Variants in CCDC28B observed in about 807,000 individuals in gnomAD.
CCDC28B encodes coiled-coil domain containing 28B.
In CCDC28B, 17 loss-of-function variants were observed where a neutral mutation model predicts 18.7. That is an observed-to-expected ratio of 0.91 (90% CI 0.62 to 1.36). The LOEUF is 1.36. CCDC28B is among the 40% of genes most tolerant of loss of function. The pLI, the probability that CCDC28B is intolerant of heterozygous loss-of-function variation, is 0.00. For missense variants in CCDC28B, 213 were observed against 251.7 expected (o/e 0.85, Z 1.04); for synonymous variants, 116 against 105.1 (o/e 1.10, Z -0.64).
At chr1:32,202,873 C>G (rs775021398) in intron 2 of CCDC28B, 3 of 153,636 alleles carry the variant, frequency 2.0e-5, no homozygotes, top group Non-Finnish European at 2.9e-5. Context: ...GGTGGCTCAG[C>G]CTATAATCCC....
chr1:32,200,032 G>A (rs993259177), upstream of CCDC28B, among the ~76,000 whole-genome samples: 53 of 152,106 alleles, frequency 3.5e-4, no homozygotes, highest in African/African-American at 1.2e-3. Context: ...TCCTAGGCCT[G>A]GGGGGTGGGG....
At chr1:32,202,342 ACT>A (rs1396245140) in intron 2 of CCDC28B, 2 of 672,582 alleles carry the variant, frequency 3.0e-6, no homozygotes, top group East Asian at 2.9e-5. Flanking sequence ...GGAGTGAGCA[ACT>A]CTGCAAGAAA....
chr1:32,198,703 A>T (rs1365719455), upstream of CCDC28B, among the ~76,000 whole-genome samples: 1 of 152,184 alleles, frequency 6.6e-6, no homozygotes, highest in African/African-American at 2.4e-5. Context: ...CAGGTAGAAG[A>T]TGAACGTCAT....
intron 4 of CCDC28B, 83 bp from the exon 5 acceptor site, chr1:32,204,515 C>T: frequency 6.6e-7 from 1 of 1,520,000 alleles, no homozygotes; most frequent in Non-Finnish European, 8.8e-7. Context: ...CCTCAACCTC[C>T]CCAGAAGATA....
In CCDC28B at chr1:32,204,123, T is replaced by TGGTTCCAG. The variant is rs1406016198; in HGVS notation, c.332-45_332-38dup. 65 of 1,606,056 alleles carry TGGTTCCAG rather than the reference T, an allele frequency of 4.0e-5. 1 individual carries two copies. The highest frequency in any genetic ancestry group is 6.7e-5 in the South Asian group (6 of 89,758). On this transcript the variant is annotated intron_variant, in intron 3 of 5. Coordinates refer to ENST00000373602, the MANE Select transcript of CCDC28B (RefSeq NM_024296.5). Reference sequence around the variant, plus strand: ...AGTCCATGGGGCATGGCTGGGACCATGGTTCCAGGGTTCCAGGGTTCCAGG... The same window carrying TGGTTCCAG: ...AGTCCATGGGGCATGGCTGGGACCATGGTTCCAGGGTTCCAGGGTTCCAGGGTTCCAGG...
rs922588995 is a variant in CCDC28B at position 32,205,212 on chromosome 1, C to T, written c.567C>T (p.Ala189=). The part of the protein sequence containing the change: ...LSNSIQKLHL[A]ENAEPEEQSA... The stretch of plus-strand genomic sequence containing the variant: ...GGCACAGCCAGAAGCTGCACCTGGC[C>T]GAGAACGCCGAGCCTGAGGAGCAGT... Residue 189 remains alanine, a synonymous_variant, in exon 6 of 6, where the codon GCC becomes GCT. Transcript: ENST00000373602. The surrounding 1 kb of genome is among the most constrained non-coding windows in gnomAD (Gnocchi z 5.6). 1.7e-5 allele frequency: 27 copies of T among 1,613,778 alleles called. No homozygotes were observed. Among genetic ancestry groups the T allele is most frequent in the Middle Eastern group, 3.3e-4 (2 of 6,078 alleles).
chr1:32,201,884 C>G lies in CCDC28B; in HGVS notation c.-23-29C>G. On this transcript the variant is annotated intron_variant, in intron 1 of 5. Transcript: ENST00000373602. Reference sequence around the variant, plus strand: ...GGTGAAGGGCTAACTTTGCCCCTGGCTATCTTTGTGGGGTTGCTTCCCTCC... The same window carrying G: ...GGTGAAGGGCTAACTTTGCCCCTGGGTATCTTTGTGGGGTTGCTTCCCTCC... The G allele has an allele frequency of 2.0e-6, 3 of 1,527,898 alleles. No individual in the cohort carries two copies. The East Asian group carries it at 6.8e-5, about 35-fold the overall frequency. 94.6% of individuals were successfully genotyped at this position (1,527,898 alleles called of 1,614,324 possible).
chr1:32,203,788 A>T (rs1427528179), intron 2 of CCDC28B, 91 bp from the exon 3 acceptor site: 1 of 1,045,482 alleles, frequency 9.6e-7, no homozygotes, highest in African/African-American at 1.6e-5. Flanking sequence ...AGATAGACAG[A>T]TAAACTGGTG....
chr1:32,202,673 C>T (rs1643171707), intron 2 of CCDC28B: 1 of 187,812 alleles, frequency 5.3e-6, no homozygotes, highest in African/African-American at 2.4e-5. Context: ...AAGCTCAAGG[C>T]TGTGGGGAGA....
intron 1 of CCDC28B, among the ~76,000 whole-genome samples, chr1:32,201,032 C>G (rs1018141047): frequency 2.6e-5 from 4 of 151,846 alleles, no homozygotes; most frequent in East Asian, 1.9e-4. Context: ...CACCCACCCC[C>G]CCAACCCCCC....
upstream of CCDC28B, chr1:32,196,633 G>A (rs1478777382): frequency 2.0e-5 from 3 of 152,270 alleles, no homozygotes; most frequent in Admixed American, 2.0e-4. Context: ...GTATTAGCCA[G>A]TGTTTGTGCC....
At chr1:32,201,458 C>T (rs1423799447) in intron 1 of CCDC28B, among the ~76,000 whole-genome samples, 1 of 152,146 alleles carries the variant, frequency 6.6e-6, no homozygotes, top group African/African-American at 2.4e-5. Flanking sequence ...CCTACCTGCA[C>T]CTTGTCCCCC....
At chr1:32,204,841 CTT>C (rs755713154) in intron 5 of CCDC28B, 11 of 1,551,838 alleles carry the variant, frequency 7.1e-6, no homozygotes, top group Non-Finnish European at 9.6e-6. Flanking sequence ...TGATCAAAAT[CTT>C]TGTGAGTACT....
In CCDC28B at chr1:32,205,015, TG is replaced by T; in HGVS notation, c.549-177del. ...CCCAGTGTGTCTGACCTGCACGATCTGGATGAAGAGAGAGGGGGTGAGAGAG... is the reference window on the plus strand; with the variant it reads ...CCCAGTGTGTCTGACCTGCACGATCTGATGAAGAGAGAGGGGGTGAGAGAG... On this transcript the variant is annotated intron_variant, in intron 5 of 5. Transcript: ENST00000373602. The surrounding 1 kb of genome is among the most constrained non-coding windows in gnomAD (Gnocchi z 5.6). 1 of 1,180,960 alleles carries T rather than the reference TG, an allele frequency of 8.5e-7. No individual in the cohort carries two copies. Among genetic ancestry groups the T allele is most frequent in the Non-Finnish European group, 1.2e-6 (1 of 851,458 alleles). The allele number at this position is 1,180,960 out of a possible 1,614,324, so 73.2% of individuals were successfully genotyped here. A position where few individuals can be genotyped will look rare whatever the true frequency, so the allele number is the denominator to read the frequency against.
chr1:32,203,308 A>G (rs915953048), intron 2 of CCDC28B: 2 of 150,846 alleles, frequency 1.3e-5, no homozygotes, highest in African/African-American at 4.9e-5. Context: ...AGTAAAAAAA[A>G]TTAGCAGGGC....
At chr1:32,204,798 G>A in intron 5 of CCDC28B, 178 bp downstream of exon 5, 2 of 1,594,542 alleles carry the variant, frequency 1.3e-6, no homozygotes, top group Non-Finnish European at 1.7e-6. Context: ...CCCAAAATTA[G>A]AAGAAAAGTG....
In CCDC28B at chr1:32,202,384, G is replaced by T; in HGVS notation, c.164+285G>T. On this transcript the variant is annotated intron_variant, in intron 2 of 5. Transcript: ENST00000373602. ...ATGTTCCACGCTGAGAGGCTTACCT[G>T]GTATAAATATGGAAGAAAGCTATTA... 5.0e-6 allele frequency: 3 copies of T among 598,262 alleles called. No individual in the cohort carries two copies. The East Asian group carries it at 1.1e-4, about 22-fold the overall frequency. The allele number at this position is 598,262 out of a possible 1,614,324, so 37.1% of individuals were successfully genotyped here. A position where few individuals can be genotyped will look rare whatever the true frequency, so the allele number is the denominator to read the frequency against.
upstream of CCDC28B, chr1:32,196,689 G>A (rs1400775357): frequency 6.6e-6 from 1 of 152,124 alleles, no homozygotes; most frequent in Non-Finnish European, 1.5e-5. Context: ...AAGATGGATA[G>A]GATGGTTAGG....
In CCDC28B at chr1:32,204,334, G is replaced by A. The variant is rs1435506870; in HGVS notation, c.480G>A (p.Gln160=). ...DGVTEGLPEE[Q]KKTMADRNLD... is the part of the protein sequence containing the mutation. ...TCACTGAGGGGCTGCCAGAGGAGCA[G>A]AAGAAGACAATGGCTGACCGTAACC... The change falls in exon 4 of 6, where the codon CAG becomes CAA. Residue 160 remains glutamine (Q), a synonymous_variant. Transcript: ENST00000373602. 1.2e-6 allele frequency: 2 copies of A among 1,606,610 alleles called. No homozygotes were observed. The highest frequency in any genetic ancestry group is 2.2e-5 in the East Asian group (1 of 44,814).
Sources: allele counts gnomAD v4.1 joint callset (sites outside exome capture counted in the v4.1 genomes callset), GRCh38; gene constraint gnomAD v4.1.1; non-coding constraint Gnocchi (gnomAD v3.1); transcripts MANE v1.5; gene names NCBI Gene and HGNC (gene_info 2026-07-23, HGNC 2026-07-21).